The following HFM1 variants were observed in gnomAD, a reference collection of about 807,000 sequenced individuals.
HFM1 encodes the protein probable ATP-dependent DNA helicase HFM1.
In HFM1, 169 loss-of-function variants were observed where a neutral mutation model predicts 192.1. That is an observed-to-expected ratio of 0.88 (90% CI 0.78 to 1.00). The LOEUF (loss-of-function observed/expected upper bound fraction) is 1.00, where lower values mean the gene tolerates loss of function less well. Among genes scored for constraint, HFM1 ranks in the 50% least tolerant of loss-of-function variants. The pLI, the probability that HFM1 is intolerant of heterozygous loss-of-function variation, is 0.00. For synonymous variants in HFM1, 525 were observed against 537.8 expected (o/e 0.98, Z 0.33); for missense variants, 1,661 against 1,668.0 (o/e 1.00, Z 0.07).
At chr1:91,266,438 T>C (rs1477036631) in intron 35 of HFM1, among the ~76,000 whole-genome samples, 2 of 152,200 alleles carry the variant, frequency 1.3e-5, no homozygotes, top group Non-Finnish European at 2.9e-5. Flanking sequence ...GTGGAACTGA[T>C]TGCTTGCTTG....
At chr1:91,313,610 C>G in intron 29 of HFM1, 115 bp from the exon 30 acceptor site, 1 of 592,224 alleles carries the variant, frequency 1.7e-6, no homozygotes, top group Non-Finnish European at 2.6e-6. Flanking sequence ...GCTAAGAAGT[C>G]CAGAAAGTTA....
chr1:91,349,859 C>T (rs563523149), intron 18 of HFM1, among the ~76,000 whole-genome samples: 7 of 152,040 alleles, frequency 4.6e-5, no homozygotes, highest in East Asian at 1.9e-4. Flanking sequence ...CAATATGCCA[C>T]GATTTGTGTT....
chr1:91,377,934 AC>A, intron 11 of HFM1, 90 bp downstream of exon 11: 1 of 1,141,500 alleles, frequency 8.8e-7, no homozygotes, highest in East Asian at 2.4e-5. Flanking sequence ...AAAGGAAAGG[AC>A]AAAAAAATTC....
In HFM1 at chr1:91,335,104, T is replaced by A. The variant is rs898941640; in HGVS notation, c.2335+8326A>T. Among the ~76,000 whole-genome samples the A allele has an allele frequency of 2.4e-4, 36 of 152,084 alleles. 1 individual carries two copies. Among genetic ancestry groups the A allele is most frequent in the African/African-American group, 8.7e-4 (36 of 41,388 alleles). ...AATGTTTTGCTGAAGAAGAAAAGATTTTTGGCATTCCAACAGAGTTACAAG... is the reference window on the plus strand; with the variant it reads ...AATGTTTTGCTGAAGAAGAAAAGATATTTGGCATTCCAACAGAGTTACAAG... On this transcript the variant is annotated intron_variant, in intron 20 of 38. Transcript: ENST00000370425.
intron 30 of HFM1, among the ~76,000 whole-genome samples, chr1:91,312,813 G>A (rs975026926): frequency 2.1e-4 from 32 of 152,248 alleles, no homozygotes; most frequent in African/African-American, 7.7e-4. Flanking sequence ...AACTTGAATT[G>A]TATCTCCCAG....
In HFM1 at chr1:91,350,738, C is replaced by T. The variant is rs587777269; in HGVS notation, c.2206G>A (p.Gly736Ser). The change falls in exon 18 of 39, where the codon GGT becomes AGT. Residue 736 changes from glycine (G) to serine (S), a missense_variant and splice_region_variant. Coordinates refer to ENST00000370425, the MANE Select transcript of HFM1 (RefSeq NM_001017975.6). ...ACTTTTCCAAGTCAAAGTAACAAACCATAATGAGATGGATTTTTCAAGGCT... is the reference window on the plus strand; with the variant it reads ...ACTTTTCCAAGTCAAAGTAACAAACTATAATGAGATGGATTTTTCAAGGCT... ...IRALKNPSHYGFASGLNKDGI... is the reference protein window; with the variant it reads ...IRALKNPSHYSFASGLNKDGI... 1.2e-6 allele frequency: 2 copies of T among 1,608,886 alleles called. No individual in the cohort carries two copies. The highest frequency in any genetic ancestry group is 1.7e-6 in the Non-Finnish European group (2 of 1,177,646).
At chr1:91,302,176 G>C (rs1452466002) in intron 30 of HFM1, among the ~76,000 whole-genome samples, 3 of 151,444 alleles carry the variant, frequency 2.0e-5, no homozygotes, top group Non-Finnish European at 2.9e-5. Context: ...AAAGACACAT[G>C]AGAAAATGCT....
chr1:91,404,676 G>A, intron 1 of HFM1, 122 bp downstream of exon 1: 1 of 293,050 alleles, frequency 3.4e-6, no homozygotes, highest in Non-Finnish European at 6.7e-6. Flanking sequence ...TCCGCTGCCT[G>A]CCCGGCAGAC....
chr1:91,276,854 A>G (rs1244721598), intron 31 of HFM1, 111 bp from the exon 32 acceptor site: 2 of 817,216 alleles, frequency 2.4e-6, no homozygotes, highest in Non-Finnish European at 3.9e-6. Flanking sequence ...TGTTGCCCAC[A>G]GAGAGAAAAT....
intron 20 of HFM1, chr1:91,328,359 G>C: frequency 1.3e-6 from 2 of 1,549,818 alleles, no homozygotes; most frequent in Non-Finnish European, 1.7e-6. Flanking sequence ...CCAAAGGCCA[G>C]TCATCCCTCC....
chr1:91,346,308 A>C (rs1465309933), intron 19 of HFM1, among the ~76,000 whole-genome samples: 1 of 152,206 alleles, frequency 6.6e-6, no homozygotes, highest in Non-Finnish European at 1.5e-5. Flanking sequence ...TCTTTGTCTA[A>C]TTTCTTGAGT....
intron 20 of HFM1, among the ~76,000 whole-genome samples, chr1:91,333,253 T>C (rs971666380): frequency 2.2e-4 from 33 of 152,290 alleles, no homozygotes; most frequent in African/African-American, 7.7e-4. Flanking sequence ...ATATGCACAA[T>C]GGAGTATTAA....
At chr1:91,352,829 A>T (rs190173631) in intron 15 of HFM1, among the ~76,000 whole-genome samples, 178 bp from the exon 16 acceptor site, 1 of 151,930 alleles carries the variant, frequency 6.6e-6, no homozygotes. Context: ...AAACCTATTA[A>T]ATTCTTGTTT....
chr1:91,378,183 C>A lies in HFM1; in HGVS notation c.1237G>T (p.Val413Leu), dbSNP rs1427431281. ...QLVRLFLIDE[V>L]HIVKDENRGP... ...CGATTTTCATCTTTTACAATATGTACCTAAGCAGGAAATCAAGAAAAAATC... is the reference window on the plus strand; with the variant it reads ...CGATTTTCATCTTTTACAATATGTAACTAAGCAGGAAATCAAGAAAAAATC... The change falls in exon 11 of 39, where the codon GTA becomes TTA. Residue 413 changes from valine (V) to leucine (L), a missense_variant and splice_region_variant. Physicochemically the swap from Val to Leu is conservative, Grantham distance 32. Transcript: ENST00000370425. 6.4e-6 allele frequency: 10 copies of A among 1,573,478 alleles called. No individual in the cohort carries two copies. The highest frequency in any genetic ancestry group is 2.3e-5 in the East Asian group (1 of 44,236).
At chr1:91,396,837 A>G (rs1663720381) in intron 2 of HFM1, among the ~76,000 whole-genome samples, 1 of 152,204 alleles carries the variant, frequency 6.6e-6, no homozygotes, top group African/African-American at 2.4e-5. Context: ...GGGATCCCCA[A>G]CCCCTGGGCC....
At chr1:91,298,133 T>C (rs890316854) in intron 30 of HFM1, among the ~76,000 whole-genome samples, 2 of 152,144 alleles carry the variant, frequency 1.3e-5, no homozygotes, top group African/African-American at 4.8e-5. Context: ...AAGAAGTACC[T>C]GACGAATGCA....
chr1:91,280,736 A>AC (rs1335518341), intron 30 of HFM1, among the ~76,000 whole-genome samples: 1 of 151,880 alleles, frequency 6.6e-6, no homozygotes, highest in Non-Finnish European at 1.5e-5. Flanking sequence ...AAACAAAGCA[A>AC]CCCACCACTC....
intron 34 of HFM1, 137 bp from the exon 35 acceptor site, chr1:91,267,992 T>C: frequency 1.7e-6 from 1 of 593,580 alleles, no homozygotes; most frequent in Non-Finnish European, 2.9e-6. Context: ...AAAAATCTGT[T>C]ATGTGTATGT....
intron 29 of HFM1, 103 bp downstream of exon 29, chr1:91,313,854 A>G: frequency 1.7e-6 from 1 of 586,612 alleles, no homozygotes; most frequent in South Asian, 3.2e-5. Context: ...TTATTTTTGC[A>G]TAATACCATT....
Sources: allele counts gnomAD v4.1 joint callset (sites outside exome capture counted in the v4.1 genomes callset), GRCh38; gene constraint gnomAD v4.1.1; transcripts MANE v1.5; gene names NCBI Gene and HGNC (gene_info 2026-07-23, HGNC 2026-07-21).